Variants in DENND6A observed in about 807,000 individuals in gnomAD.
DENND6A encodes protein DENND6A.
Under a neutral mutation model 95.5 loss-of-function variants are expected in DENND6A, and 43 were observed. That is an observed-to-expected ratio of 0.45 (90% CI 0.35 to 0.58). The LOEUF (loss-of-function observed/expected upper bound fraction) is 0.58. Ranked by LOEUF, DENND6A falls within the 20% of genes least tolerant of loss-of-function variation. The pLI is 0.00. For missense variants in DENND6A, 574 were observed against 736.0 expected (o/e 0.78, Z 2.55); for synonymous variants, 257 against 260.4 (o/e 0.99, Z 0.13).
At chr3:57,636,674 C>T (rs548426783) in intron 12 of DENND6A, among the ~76,000 whole-genome samples, 1 of 152,194 alleles carries the variant, frequency 6.6e-6, no homozygotes, top group African/African-American at 2.4e-5. Flanking sequence ...TGGTGGCTCA[C>T]GCCTGTAATC....
Position 57,641,243 on chromosome 3 carries a change from ATAT to A in DENND6A, c.1132+407_1132+409del, listed in dbSNP as rs993079954. Among the ~76,000 whole-genome samples the A allele has an allele frequency of 7.5e-3, 1,076 of 144,028 alleles. 6 individuals carry two copies. Among genetic ancestry groups the A allele is most frequent in the Non-Finnish European group, 0.012 (794 of 66,030 alleles). The allele number at this position is 144,028 out of a possible 152,430, so 94.5% of individuals were successfully genotyped here. The stretch of plus-strand genomic sequence containing the variant: ...AATATATATTTAAATATTTAAATAT[ATAT>A]TATATATTTATATTCAATGTTATAT... On this transcript the variant is annotated intron_variant, in intron 12 of 19. Coordinates refer to ENST00000311128, the MANE Select transcript of DENND6A (RefSeq NM_152678.3).
intron 9 of DENND6A, among the ~76,000 whole-genome samples, chr3:57,655,433 T>TTAG (rs2071305313): frequency 6.6e-6 from 1 of 152,186 alleles, no homozygotes; most frequent in South Asian, 2.1e-4. Flanking sequence ...ATCAAAGGTG[T>TTAG]TAGTGATGGG....
intron 12 of DENND6A, among the ~76,000 whole-genome samples, chr3:57,635,933 A>C (rs1262284245): frequency 6.6e-6 from 1 of 152,184 alleles, no homozygotes; most frequent in African/African-American, 2.4e-5. Flanking sequence ...GAAGACTTTT[A>C]TGATGATCCA....
Position 57,693,072 on chromosome 3 carries a change from G to GC in DENND6A, c.-55dup. On this transcript the variant is annotated 5_prime_UTR_variant, in exon 1 of 20. Transcript: ENST00000311128. ...TCCACAGCGGACCGCGCCGCAGAGCGCGCTTGCCTCCGCGCAGGCGCAGAC... is the reference window on the plus strand; with the variant it reads ...TCCACAGCGGACCGCGCCGCAGAGCGCCGCTTGCCTCCGCGCAGGCGCAGAC... 7.6e-7 allele frequency: 1 copy of GC among 1,322,250 alleles called. No individual in the cohort carries two copies. Among genetic ancestry groups the GC allele is most frequent in the South Asian group, 1.9e-5 (1 of 52,740 alleles). 81.9% of individuals were successfully genotyped at this position (1,322,250 alleles called of 1,614,324 possible). A position where few individuals can be genotyped will look rare whatever the true frequency, so the allele number is the denominator to read the frequency against.
chr3:57,648,915 T>C (rs926461004), intron 9 of DENND6A, among the ~76,000 whole-genome samples: 4 of 152,282 alleles, frequency 2.6e-5, no homozygotes, highest in Admixed American at 2.6e-4. Flanking sequence ...ATAAAATTTC[T>C]AGAAGATAAC....
chr3:57,679,810 A>G (rs1445447262), intron 1 of DENND6A, among the ~76,000 whole-genome samples: 2 of 152,186 alleles, frequency 1.3e-5, no homozygotes, highest in East Asian at 3.8e-4. Context: ...ACCTTGAATG[A>G]GTCAAAAATA....
intron 1 of DENND6A, among the ~76,000 whole-genome samples, chr3:57,679,227 TG>T (rs2077137636): frequency 6.6e-6 from 1 of 152,288 alleles, no homozygotes; most frequent in African/African-American, 2.4e-5. Flanking sequence ...CAGGATGCAC[TG>T]GTATGGTTAC....
intron 1 of DENND6A, among the ~76,000 whole-genome samples, chr3:57,687,890 T>A (rs1483102820): frequency 1.4e-5 from 2 of 145,782 alleles, no homozygotes; most frequent in African/African-American, 5.1e-5. Context: ...CATGATTGCA[T>A]CACTGCACTC....
intron 1 of DENND6A, among the ~76,000 whole-genome samples, chr3:57,683,310 T>C (rs1176392079): frequency 2.0e-5 from 3 of 152,198 alleles, no homozygotes; most frequent in African/African-American, 7.2e-5. Flanking sequence ...AATTGCTAAC[T>C]TTATCAAGTG....
At chr3:57,679,468 A>G (rs1362307302) in intron 1 of DENND6A, 4 of 984,574 alleles carry the variant, frequency 4.1e-6, no homozygotes, top group Non-Finnish European at 4.8e-6. Flanking sequence ...AATTTTCTTT[A>G]AAGTTCACAT....
intron 3 of DENND6A, among the ~76,000 whole-genome samples, chr3:57,669,073 T>C (rs2071571926): frequency 6.6e-6 from 1 of 152,126 alleles, no homozygotes; most frequent in Non-Finnish European, 1.5e-5. Context: ...GGTTTCACCA[T>C]GTTGGCCAGG....
At chr3:57,685,280 A>T (rs2077202197) in intron 1 of DENND6A, among the ~76,000 whole-genome samples, 1 of 152,066 alleles carries the variant, frequency 6.6e-6, no homozygotes, top group Non-Finnish European at 1.5e-5. Flanking sequence ...AGAAACTAAA[A>T]GTATCATTAA....
At chr3:57,648,146 A>G (rs2071118467) in intron 9 of DENND6A, among the ~76,000 whole-genome samples, 1 of 152,222 alleles carries the variant, frequency 6.6e-6, no homozygotes, top group South Asian at 2.1e-4. Flanking sequence ...AGAACTGGTA[A>G]ATGAATTCAG....
intron 5 of DENND6A, among the ~76,000 whole-genome samples, chr3:57,662,709 C>G (rs1048167930): frequency 6.6e-6 from 1 of 152,022 alleles, no homozygotes; most frequent in East Asian, 1.9e-4. Context: ...TGACAGAATC[C>G]TGTGCAATAA....
At chr3:57,657,276 A>G (rs1559818436) in intron 9 of DENND6A, among the ~76,000 whole-genome samples, 1 of 152,214 alleles carries the variant, frequency 6.6e-6, no homozygotes, top group Non-Finnish European at 1.5e-5. Context: ...CATCATATAC[A>G]TATCACTCAG....
intron 1 of DENND6A, chr3:57,679,525 T>C: frequency 1.0e-6 from 1 of 985,458 alleles, no homozygotes; most frequent in Non-Finnish European, 1.2e-6. Context: ...CAGCTCTGCA[T>C]CTTCAAACTC....
intron 1 of DENND6A, among the ~76,000 whole-genome samples, chr3:57,691,877 C>A (rs1214180765): frequency 1.3e-5 from 2 of 151,974 alleles, no homozygotes; most frequent in African/African-American, 4.8e-5. Context: ...AAATGATGTT[C>A]CCTATATTCA....
intron 1 of DENND6A, among the ~76,000 whole-genome samples, chr3:57,674,035 G>C (rs2071664263): frequency 6.6e-6 from 1 of 152,028 alleles, no homozygotes; most frequent in Non-Finnish European, 1.5e-5. Context: ...CTCCCAAAGT[G>C]CTGGGATTTC....
intron 1 of DENND6A, among the ~76,000 whole-genome samples, chr3:57,688,018 CAA>C (rs758344168): frequency 1.4e-4 from 21 of 148,832 alleles, no homozygotes; most frequent in Non-Finnish European, 2.8e-4. Context: ...TTTTTTGAGA[CAA>C]AGTCTTACTC....
Sources: allele counts gnomAD v4.1 joint callset (sites outside exome capture counted in the v4.1 genomes callset), GRCh38; gene constraint gnomAD v4.1.1; transcripts MANE v1.5; gene names NCBI Gene and HGNC (gene_info 2026-07-23, HGNC 2026-07-21).